Variants in LRRTM4 observed in about 807,000 individuals in gnomAD.
LRRTM4 encodes leucine rich repeat transmembrane neuronal 4.
In LRRTM4, 25 loss-of-function variants were observed where a neutral mutation model predicts 47.6. The observed-to-expected ratio is 0.53, with a 90% CI of 0.38 to 0.73. LRRTM4 has a LOEUF of 0.73. LRRTM4 is among the 30% of genes least tolerant of loss of function. LRRTM4 has a pLI of 0.00. For missense variants in LRRTM4, 638 were observed against 713.4 expected, an observed-to-expected ratio of 0.89 and a Z score of 1.20; for synonymous variants, 311 against 269.5, an observed-to-expected ratio of 1.15 and a Z score of -1.51.
At chr2:77,171,264 G>T (rs1421516183) in intron 3 of LRRTM4, among the ~76,000 whole-genome samples, 1 of 151,852 alleles carries the variant, frequency 6.6e-6, no homozygotes, top group African/African-American at 2.4e-5. Context: ...TTCTGTTGTT[G>T]TTTGTTTGCT....
At chr2:77,049,383 C>G (rs1004727024) in intron 3 of LRRTM4, among the ~76,000 whole-genome samples, 7 of 151,528 alleles carry the variant, frequency 4.6e-5, no homozygotes, top group African/African-American at 1.7e-4. Context: ...ATACTGCTTT[C>G]TATAATGGCT....
chr2:77,435,300 G>C (rs2103914616), intron 3 of LRRTM4, among the ~76,000 whole-genome samples: 1 of 152,188 alleles, frequency 6.6e-6, no homozygotes, highest in African/African-American at 2.4e-5. Context: ...TTGAAGACTT[G>C]AATCCAACTA....
chr2:77,517,219 C>A, intron 3 of LRRTM4: 1 of 984,960 alleles, frequency 1.0e-6, no homozygotes, highest in Non-Finnish European at 1.2e-6. Flanking sequence ...TGTAAGTGAT[C>A]TTTTAAATTA....
At chr2:76,804,909 CA>C (rs1447769104) in intron 3 of LRRTM4, among the ~76,000 whole-genome samples, 1 of 151,694 alleles carries the variant, frequency 6.6e-6, no homozygotes, top group African/African-American at 2.4e-5. Context: ...TATAGAAAAT[CA>C]TATCACTAAA....
chr2:76,991,553 C>T (rs1352442147), intron 3 of LRRTM4, among the ~76,000 whole-genome samples: 1 of 151,734 alleles, frequency 6.6e-6, no homozygotes. Context: ...TAACAAATTC[C>T]TTGAAATGCA....
At chr2:77,037,092 T>C (rs557882144) in intron 3 of LRRTM4, among the ~76,000 whole-genome samples, 1 of 151,766 alleles carries the variant, frequency 6.6e-6, no homozygotes, top group Non-Finnish European at 1.5e-5. Flanking sequence ...CTCACCCAAA[T>C]TATGCTGTGC....
At chr2:76,822,870 G>A (rs1350017004) in intron 3 of LRRTM4, among the ~76,000 whole-genome samples, 1 of 151,322 alleles carries the variant, frequency 6.6e-6, no homozygotes, top group African/African-American at 2.4e-5. Context: ...GGTCAGTATT[G>A]TTGAACTCTT....
In LRRTM4 at chr2:77,519,288, C is replaced by T. The variant is rs747586673; in HGVS notation, c.581G>A (p.Arg194Gln). The change falls in exon 3 of 4, where the codon CGA (arginine) becomes CAA (glutamine). Residue 194 changes from arginine (R) to glutamine (Q), a missense_variant. By Grantham distance (43) the Arg-to-Gln change is conservative. Coordinates refer to ENST00000409884, the MANE Select transcript of LRRTM4 (RefSeq NM_001134745.3). The surrounding 1 kb of genome is among the most constrained non-coding windows in gnomAD (Gnocchi z 4.6). ...DFLDLGYNRL[R>Q]SLSRNAFAGL... ...AGCAAATGCATTTCGGGACAAGCTT[C>T]GAAGACGATTGTAACCCAAATCCAA... The T allele has an allele frequency of 6.2e-7, 1 of 1,613,390 alleles. No homozygotes were observed. Among genetic ancestry groups the T allele is most frequent in the Non-Finnish European group, 8.5e-7 (1 of 1,179,592 alleles).
At chr2:77,017,681 T>A (rs1678116356) in intron 3 of LRRTM4, among the ~76,000 whole-genome samples, 1 of 152,118 alleles carries the variant, frequency 6.6e-6, no homozygotes, top group African/African-American at 2.4e-5. Context: ...CCTCCTCCTA[T>A]ACTTACAACC....
intron 3 of LRRTM4, among the ~76,000 whole-genome samples, chr2:76,944,685 A>C (rs961631155): frequency 6.6e-6 from 1 of 152,060 alleles, no homozygotes; most frequent in East Asian, 1.9e-4. Flanking sequence ...TTTTTCCCTA[A>C]AAGTATGGTC....
At chr2:76,934,968 G>GAAA (rs34194337) in intron 3 of LRRTM4, among the ~76,000 whole-genome samples, 1 of 146,180 alleles carries the variant, frequency 6.8e-6, no homozygotes, top group Non-Finnish European at 1.5e-5. Context: ...TTCTTTGGAG[G>GAAA]AAAAAAAAAA....
rs185182564 is a variant in LRRTM4 at position 77,268,044 on chromosome 2, T to C, written c.1551+250274A>G. Among the ~76,000 whole-genome samples the C allele has an allele frequency of 4.3e-3, 653 of 152,248 alleles. 1 individual carries two copies. Among genetic ancestry groups the C allele is most frequent in the Non-Finnish European group, 6.9e-3 (467 of 68,000 alleles). On this transcript the variant is annotated intron_variant, in intron 3 of 3. Coordinates refer to ENST00000409884, the MANE Select transcript of LRRTM4 (RefSeq NM_001134745.3). ...TTTTTCTTTCATAAATTTATACTTA[T>C]GCTCTTTCAGCTTCCCAATCTATAC...
At chr2:77,133,774 C>A (rs114901756) in intron 3 of LRRTM4, among the ~76,000 whole-genome samples, 1 of 152,126 alleles carries the variant, frequency 6.6e-6, no homozygotes, top group African/African-American at 2.4e-5. Context: ...GTTGCTATGA[C>A]GCCATTGAAT....
At chr2:77,366,501 A>G (rs961155534) in intron 3 of LRRTM4, among the ~76,000 whole-genome samples, 1 of 151,830 alleles carries the variant, frequency 6.6e-6, no homozygotes, top group African/African-American at 2.4e-5. Flanking sequence ...TCTGTAAGCA[A>G]ATGACTCACA....
rs563734028 is a variant in LRRTM4, at chr2:76,762,807, A to G, written c.1552-13891T>C. On this transcript the variant is annotated intron_variant, in intron 3 of 3. Transcript: ENST00000409884. ...GGAACATGGCTCTACACACCACAGT[A>G]TAACTCTTTAATGAAAGCCATAAAT... 2.0e-5 allele frequency among the ~76,000 whole-genome samples: 3 copies of G among 152,328 alleles called. No individual in the cohort carries two copies. In the East Asian group the frequency reaches 5.8e-4, roughly 29 times the overall value.
At chr2:77,378,905 A>G (rs1213355432) in intron 3 of LRRTM4, among the ~76,000 whole-genome samples, 2 of 152,150 alleles carry the variant, frequency 1.3e-5, no homozygotes, top group African/African-American at 4.8e-5. Flanking sequence ...GTGCTCAGAA[A>G]TATTAAATCT....
At chr2:77,205,976 C>G (rs1674113861) in intron 3 of LRRTM4, among the ~76,000 whole-genome samples, 1 of 151,906 alleles carries the variant, frequency 6.6e-6, no homozygotes, top group African/African-American at 2.4e-5. Context: ...CATGAGACTA[C>G]AGACATGCAC....
chr2:76,816,797 T>G (rs937187541), intron 3 of LRRTM4, among the ~76,000 whole-genome samples: 1 of 146,890 alleles, frequency 6.8e-6, no homozygotes, highest in South Asian at 2.2e-4. Context: ...ATCTGAACAC[T>G]GCTTTTACTT....
At chr2:77,074,510 T>C (rs1188308955) in intron 3 of LRRTM4, among the ~76,000 whole-genome samples, 1 of 152,164 alleles carries the variant, frequency 6.6e-6, no homozygotes, top group East Asian at 1.9e-4. Context: ...ACCCCTGTTA[T>C]TAAGCTTATG....
Sources: allele counts gnomAD v4.1 joint callset (sites outside exome capture counted in the v4.1 genomes callset), GRCh38; gene constraint gnomAD v4.1.1; non-coding constraint Gnocchi (gnomAD v3.1); transcripts MANE v1.5; gene names NCBI Gene and HGNC (gene_info 2026-07-23, HGNC 2026-07-21).